Variants in ADGRL2 observed in about 807,000 individuals in gnomAD.
ADGRL2 encodes the protein adhesion G protein-coupled receptor L2.
Under a neutral mutation model 157.4 loss-of-function variants are expected in ADGRL2, and 44 were observed. The observed-to-expected ratio is 0.28, with a 90% confidence interval of 0.22 to 0.36. The LOEUF (loss-of-function observed/expected upper bound fraction) is 0.36. Among genes scored for constraint, ADGRL2 ranks in the 10% least tolerant of loss-of-function variants. The pLI is 1.00. For synonymous variants in ADGRL2, 585 were observed against 624.7 expected, an observed-to-expected ratio of 0.94 and a Z score of 0.95; for missense variants, 1,510 against 1,768.9, an observed-to-expected ratio of 0.85 and a Z score of 2.63.
chr1:81,593,989 C>G (rs909270558), intron 3 of ADGRL2, among the ~76,000 whole-genome samples: 5 of 152,088 alleles, frequency 3.3e-5, no homozygotes, highest in Non-Finnish European at 5.9e-5. Context: ...CATAGATAGA[C>G]AACTATGTAT....
intron 3 of ADGRL2, chr1:81,596,330 C>T: frequency 1.8e-6 from 1 of 547,526 alleles, no homozygotes; most frequent in Non-Finnish European, 3.5e-6. Flanking sequence ...TTCTCAAACT[C>T]TTGGTAGGCA....
intron 1 of ADGRL2, among the ~76,000 whole-genome samples, chr1:81,805,875 A>G (rs990067668): frequency 6.6e-6 from 1 of 152,078 alleles, no homozygotes; most frequent in Non-Finnish European, 1.5e-5. Context: ...AATTGTCTTG[A>G]AAACATTGCT....
chr1:81,760,908 C>G (rs994855473), intron 1 of ADGRL2, among the ~76,000 whole-genome samples: 3 of 151,654 alleles, frequency 2.0e-5, no homozygotes, highest in Non-Finnish European at 4.4e-5. Context: ...TAAATACAAA[C>G]TAATAATTTC....
At chr1:81,780,063 C>T (rs991340840) in intron 2 of ADGRL2, among the ~76,000 whole-genome samples, 2 of 152,176 alleles carry the variant, frequency 1.3e-5, no homozygotes, top group African/African-American at 4.8e-5. Flanking sequence ...AGTGCAGTCA[C>T]ATAGCGCTAT....
rs1167146119 is a variant in ADGRL2, at chr1:81,993,047, T to TATATAATA, written c.*1903_*1910dup. Among the ~76,000 whole-genome samples, 2 of 120,094 alleles carry TATATAATA rather than the reference T, an allele frequency of 1.7e-5. No homozygotes were observed. The highest frequency in any genetic ancestry group is 6.4e-5 in the African/African-American group (2 of 31,072). The allele number at this position is 120,094 out of a possible 152,430, so 78.8% of individuals were successfully genotyped here. A position where few individuals can be genotyped will look rare whatever the true frequency, so the allele number is the denominator to read the frequency against. ...ATGAGATTTAAAAATTAAGTGCATA[T>TATATAATA]ATATAATATACATATATATATATAT... On this transcript the variant is annotated 3_prime_UTR_variant, in exon 24 of 24. Transcript: ENST00000686636.
intron 1 of ADGRL2, among the ~76,000 whole-genome samples, chr1:81,709,151 A>G (rs2083838858): frequency 6.6e-6 from 1 of 152,194 alleles, no homozygotes; most frequent in Admixed American, 6.5e-5. Flanking sequence ...TACTGATTGA[A>G]CAAGTTATCC....
chr1:81,888,699 C>T (rs926601788), intron 2 of ADGRL2, among the ~76,000 whole-genome samples: 2 of 152,038 alleles, frequency 1.3e-5, no homozygotes, highest in Non-Finnish European at 2.9e-5. Flanking sequence ...TGATCTGCCC[C>T]CCTTGGCCTC....
intron 2 of ADGRL2, among the ~76,000 whole-genome samples, chr1:81,459,634 G>A (rs1393697886): frequency 1.3e-5 from 2 of 151,962 alleles, no homozygotes; most frequent in Non-Finnish European, 2.9e-5. Flanking sequence ...CAACAAACAT[G>A]AGAGTCTTAA....
At chr1:81,812,519 A>G (rs1230342167) in intron 1 of ADGRL2, among the ~76,000 whole-genome samples, 2 of 151,728 alleles carry the variant, frequency 1.3e-5, no homozygotes, top group African/African-American at 4.8e-5. Context: ...TACCAGATCC[A>G]TTTTGAGATT....
At chr1:81,694,370 T>C (rs1285377490) in intron 3 of ADGRL2, among the ~76,000 whole-genome samples, 1 of 152,074 alleles carries the variant, frequency 6.6e-6, no homozygotes, top group African/African-American at 2.4e-5. Flanking sequence ...TTAAAATAGA[T>C]AATGAAACTA....
intron 1 of ADGRL2, among the ~76,000 whole-genome samples, chr1:81,831,524 A>C (rs1351292530): frequency 6.6e-6 from 1 of 152,114 alleles, no homozygotes; most frequent in Non-Finnish European, 1.5e-5. Flanking sequence ...AATTAGTAAC[A>C]GTAGTGATTT....
At chr1:81,891,978 G>GTGTGTA (rs979287419) in intron 2 of ADGRL2, among the ~76,000 whole-genome samples, 2 of 151,728 alleles carry the variant, frequency 1.3e-5, no homozygotes, top group Non-Finnish European at 2.9e-5. Flanking sequence ...GTGTGTGTGT[G>GTGTGTA]TGTGTATGTG....
intron 2 of ADGRL2, among the ~76,000 whole-genome samples, chr1:81,531,596 G>C (rs1199634342): frequency 6.6e-6 from 1 of 152,140 alleles, no homozygotes; most frequent in Non-Finnish European, 1.5e-5. Context: ...TTACTGCTGG[G>C]AACCCACGTC....
At chr1:81,376,191 A>T (rs2076246712) in intron 1 of ADGRL2, among the ~76,000 whole-genome samples, 1 of 152,208 alleles carries the variant, frequency 6.6e-6, no homozygotes, top group South Asian at 2.1e-4. Context: ...TCAAAACTGT[A>T]AAATCCAAAG....
chr1:81,332,881 A>G (rs1661366648), intron 1 of ADGRL2, among the ~76,000 whole-genome samples: 1 of 152,090 alleles, frequency 6.6e-6, no homozygotes, highest in Non-Finnish European at 1.5e-5. Context: ...GTTTTTCTTT[A>G]CCTTTGTTTT....
chr1:81,361,228 T>G (rs2075973257), intron 1 of ADGRL2, among the ~76,000 whole-genome samples: 1 of 151,958 alleles, frequency 6.6e-6, no homozygotes, highest in African/African-American at 2.4e-5. Flanking sequence ...TCCATTGATT[T>G]CCAAGTCTCT....
Position 81,715,178 on chromosome 1 carries a change from A to AT in ADGRL2, c.-143+15370_-143+15371insT, listed in dbSNP as rs1553144183. Among the ~76,000 whole-genome samples, 383 of 62,662 alleles carry AT rather than the reference A, an allele frequency of 6.1e-3. 3 individuals carry two copies. Among genetic ancestry groups the AT allele is most frequent in the African/African-American group, 0.017 (296 of 17,114 alleles). The allele number at this position is 62,662 out of a possible 152,430, so 41.1% of individuals were successfully genotyped here. On this transcript the variant is annotated intron_variant, in intron 1 of 20. Coordinates refer to the ADGRL2 transcript ENST00000359929. ...TTTTCTAGAGGAAGCTAATTTAGTAAATTTTTTTTTTTTTTTTGGTAAAAT... is the reference window on the plus strand; with the variant it reads ...TTTTCTAGAGGAAGCTAATTTAGTAATATTTTTTTTTTTTTTTTGGTAAAAT...
chr1:81,396,543 G>A (rs1001390121), intron 1 of ADGRL2, among the ~76,000 whole-genome samples: 1 of 152,120 alleles, frequency 6.6e-6, no homozygotes, highest in Admixed American at 6.6e-5. Flanking sequence ...TATTGAGCAA[G>A]AGTGGTGAGA....
At chr1:81,465,005 C>T (rs1571045254) in intron 2 of ADGRL2, among the ~76,000 whole-genome samples, 2 of 151,308 alleles carry the variant, frequency 1.3e-5, no homozygotes, top group South Asian at 4.2e-4. Context: ...GAACCAGTCG[C>T]CCACTGTTCT....
Sources: gnomAD v4.1 joint callset for allele counts (sites outside exome capture counted in the v4.1 genomes callset) on GRCh38, gnomAD v4.1.1 for gene constraint, MANE v1.5 for transcripts, NCBI Gene and HGNC (gene_info 2026-07-23, HGNC 2026-07-21) for gene names.